The following UNC50 variants were observed in gnomAD, a reference collection of about 807,000 sequenced individuals.
UNC50 encodes the protein unc-50 inner nuclear membrane RNA binding protein, also known as protein unc-50 homolog.
Under a neutral mutation model 31.5 loss-of-function variants are expected in UNC50, and 24 were observed. The observed-to-expected ratio is 0.76, with a 90% CI of 0.55 to 1.07. UNC50 has a LOEUF of 1.07. UNC50 is among the 50% of genes least tolerant of loss of function. UNC50 has a pLI of 0.00. For missense variants in UNC50, 245 were observed against 304.2 expected (o/e 0.81, Z 1.45); for synonymous variants, 118 against 114.7 (o/e 1.03, Z -0.18).
At chr2:98,614,495 C>T (rs192730085) in intron 3 of UNC50, among the ~76,000 whole-genome samples, 4 of 152,288 alleles carry the variant, frequency 2.6e-5, no homozygotes, top group Admixed American at 6.5e-5. Context: ...AGGTTGATGA[C>T]TCTAGACCTA....
rs764221290 is a variant in UNC50 at position 98,616,218 on chromosome 2, A to G, written c.413A>G (p.Asn138Ser). ...LIATLMWFIS[N>S]KYLVKRQSRD... The stretch of plus-strand genomic sequence containing the variant: ...AATTTTGCTCTTAGGTTCATCTCTA[A>G]CAAGTATTTAGTGAAACGACAGAGC... Residue 138 changes from asparagine (N) to serine (S), a missense_variant, in exon 4 of 6, where the codon AAC becomes AGC. By Grantham distance (46) the Asn-to-Ser change is conservative (BLOSUM62 1). Transcript: ENST00000357765. 9.3e-6 allele frequency: 15 copies of G among 1,610,490 alleles called. No homozygotes were observed. Among genetic ancestry groups the G allele is most frequent in the Non-Finnish European group, 1.2e-5 (14 of 1,179,054 alleles).
intron 2 of UNC50, 100 bp downstream of exon 2, chr2:98,610,139 C>A: frequency 7.9e-7 from 1 of 1,259,036 alleles, no homozygotes; most frequent in Non-Finnish European, 1.1e-6. Context: ...ATATTGGAAA[C>A]TATTTCTCCT....
chr2:98,612,186 A>C (rs970483343), intron 3 of UNC50, among the ~76,000 whole-genome samples: 1 of 152,184 alleles, frequency 6.6e-6, no homozygotes, highest in African/African-American at 2.4e-5. Context: ...GTCATTGTGG[A>C]GAACATTTTA....
chr2:98,616,380 C>T, intron 4 of UNC50, 34 bp downstream of exon 4: 1 of 1,613,772 alleles, frequency 6.2e-7, no homozygotes, highest in South Asian at 1.1e-5. Flanking sequence ...TTATCCAAGT[C>T]TTCATTGCAT....
chr2:98,617,239 C>T (rs557399836), intron 5 of UNC50, among the ~76,000 whole-genome samples: 2 of 152,114 alleles, frequency 1.3e-5, no homozygotes, highest in African/African-American at 2.4e-5. Flanking sequence ...CCTTCCTTTC[C>T]TGTTACTGTA....
Position 98,618,114 on chromosome 2 carries a change from TAG to T in UNC50, c.644-53_644-52del, listed in dbSNP as rs1491105889. On this transcript the variant is annotated intron_variant, in intron 5 of 5. Coordinates refer to ENST00000357765, the MANE Select transcript of UNC50 (RefSeq NM_014044.7). Reference sequence around the variant, plus strand: ...GCTGTCTTTCAAAATGTTCATTTATTAGTCATTTATTTTTTTTTTTTTTTAAA... The same window carrying T: ...GCTGTCTTTCAAAATGTTCATTTATTTCATTTATTTTTTTTTTTTTTTAAA... 21 of 1,392,734 alleles carry T rather than the reference TAG, an allele frequency of 1.5e-5. No individual in the cohort carries two copies. In the African/African-American group the frequency reaches 2.4e-4, roughly 16 times the overall value. 86.3% of individuals were successfully genotyped at this position (1,392,734 alleles called of 1,614,324 possible). A position where few individuals can be genotyped will look rare whatever the true frequency, so the allele number is the denominator to read the frequency against.
intron 1 of UNC50, chr2:98,609,550 G>A: frequency 1.5e-6 from 1 of 688,618 alleles, no homozygotes; most frequent in Non-Finnish European, 2.5e-6. Flanking sequence ...GTGGGCTGTT[G>A]CCCTTGCCTG....
intron 3 of UNC50, among the ~76,000 whole-genome samples, chr2:98,612,641 T>C (rs552685520): frequency 6.6e-6 from 1 of 152,348 alleles, no homozygotes; most frequent in African/African-American, 2.4e-5. Context: ...ACTCCTGACC[T>C]CAGGTGATCC....
intron 2 of UNC50, 73 bp downstream of exon 2, chr2:98,610,112 TG>T: frequency 7.0e-7 from 1 of 1,429,288 alleles, no homozygotes. Context: ...AAATGTGTTG[TG>T]GGTCAGAATC....
chr2:98,610,395 G>A (rs904462284), intron 2 of UNC50, among the ~76,000 whole-genome samples: 3 of 152,208 alleles, frequency 2.0e-5, no homozygotes, highest in Non-Finnish European at 4.4e-5. Flanking sequence ...GTATTGATGG[G>A]AACCTGAGAA....
At position 98,609,940 on chromosome 2, in the gene UNC50, CAG is replaced by C; in HGVS notation, c.186_187del (p.Arg62SerfsTer19). The part of the protein sequence containing the change: ...WQMLYLFTSP[Q>X]RVYRNFHYRK... ...GATGCTCTACCTGTTCACATCCCCACAGAGAGTTTACAGAAATTTTCATTATC... is the reference window on the plus strand; with the variant it reads ...GATGCTCTACCTGTTCACATCCCCACAGAGTTTACAGAAATTTTCATTATC... On this transcript the variant is annotated frameshift_variant, in exon 2 of 6. Transcript: ENST00000357765. LOFTEE classifies it high-confidence loss of function. 6.2e-7 allele frequency: 1 copy of C among 1,614,184 alleles called. No individual in the cohort carries two copies. Among genetic ancestry groups the C allele is most frequent in the Non-Finnish European group, 8.5e-7 (1 of 1,180,030 alleles).
chr2:98,618,488 T>G lies in UNC50; in HGVS notation c.*184T>G, dbSNP rs1023533101. On this transcript the variant is annotated 3_prime_UTR_variant, in exon 6 of 6. Coordinates refer to ENST00000357765, the MANE Select transcript of UNC50 (RefSeq NM_014044.7). ...TCCTTAAAACTAATTAAATGTACAT[T>G]TCTATAATAAATATTTTTTAAACTA... is the stretch of plus-strand genomic sequence containing the variant. 1 of 450,590 alleles carries G rather than the reference T, an allele frequency of 2.2e-6. No homozygotes were observed. Among genetic ancestry groups the G allele is most frequent in the African/African-American group, 2.0e-5 (1 of 49,426 alleles). 27.9% of individuals were successfully genotyped at this position (450,590 alleles called of 1,614,324 possible). A position where few individuals can be genotyped will look rare whatever the true frequency, so the allele number is the denominator to read the frequency against.
chr2:98,608,919 G>A lies in UNC50; in HGVS notation c.-5+193G>A, dbSNP rs184483388. On this transcript the variant is annotated intron_variant, in intron 1 of 5. Transcript: ENST00000357765. ...TACATTTGCATCGTAGATAAAGAAA[G>A]AGCATTTAGTATAAGCATGTCCGAA... 599 of 234,304 alleles carry A rather than the reference G, an allele frequency of 2.6e-3. 4 individuals are homozygous for A. The highest frequency in any genetic ancestry group is 0.013 in the African/African-American group (557 of 41,936). 14.5% of individuals were successfully genotyped at this position (234,304 alleles called of 1,614,324 possible).
intron 5 of UNC50, 37 bp downstream of exon 5, chr2:98,616,570 TAGC>T (rs1700925993): frequency 2.6e-6 from 4 of 1,544,258 alleles, no homozygotes; most frequent in Non-Finnish European, 3.6e-6. Context: ...GTTGAGAACA[TAGC>T]AAGAGGGGGA....
At chr2:98,609,436 A>G (rs532934559) in intron 1 of UNC50, 6 of 413,890 alleles carry the variant, frequency 1.4e-5, no homozygotes, top group Middle Eastern at 6.6e-4. Context: ...CAGATTTCCA[A>G]TCTTGGCTCT....
chr2:98,618,118 C>CA, intron 5 of UNC50, 50 bp from the exon 6 acceptor site: 1 of 1,290,048 alleles, frequency 7.8e-7, no homozygotes, highest in South Asian at 1.5e-5. Context: ...ATTTATTAGT[C>CA]ATTTATTTTT....
At chr2:98,613,116 C>A (rs1379129712) in intron 3 of UNC50, among the ~76,000 whole-genome samples, 2 of 152,168 alleles carry the variant, frequency 1.3e-5, no homozygotes, top group African/African-American at 4.8e-5. Context: ...CTGACTAGTA[C>A]AGCAGAGCTT....
chr2:98,618,127 T>A lies in UNC50; in HGVS notation c.644-41T>A, dbSNP rs377744850. The A allele has an allele frequency of 1.3e-3, 1,872 of 1,442,260 alleles. 1 individual carries two copies. The highest frequency in any genetic ancestry group is 2.0e-3 in the Admixed American group (68 of 34,350). The allele number at this position is 1,442,260 out of a possible 1,614,324, so 89.3% of individuals were successfully genotyped here. On this transcript the variant is annotated intron_variant, in intron 5 of 5. Coordinates refer to ENST00000357765, the MANE Select transcript of UNC50 (RefSeq NM_014044.7). Reference sequence around the variant, plus strand: ...ATGTTCATTTATTAGTCATTTATTTTTTTTTTTTTTTAAATCAGTTTGGAT... The same window carrying A: ...ATGTTCATTTATTAGTCATTTATTTATTTTTTTTTTTAAATCAGTTTGGAT...
chr2:98,609,446 T>C, intron 1 of UNC50: 1 of 440,092 alleles, frequency 2.3e-6, no homozygotes, highest in East Asian at 4.1e-5. Flanking sequence ...ATCTTGGCTC[T>C]ATCACTATCC....
Sources: allele counts gnomAD v4.1 joint callset (sites outside exome capture counted in the v4.1 genomes callset), GRCh38; gene constraint gnomAD v4.1.1; transcripts MANE v1.5; gene names NCBI Gene and HGNC (gene_info 2026-07-23, HGNC 2026-07-21).